Variants in PLEKHH2 observed in about 807,000 individuals in gnomAD.
The protein encoded by PLEKHH2 is pleckstrin homology domain-containing family H member 2.
Under a neutral mutation model 187.9 loss-of-function variants are expected in PLEKHH2, and 129 were observed. The ratio of observed to expected loss-of-function variants is 0.69; its 90% confidence interval spans 0.59 to 0.79. The LOEUF is 0.79. PLEKHH2 is among the 30% of genes least tolerant of loss of function. PLEKHH2 has a pLI of 0.00. For synonymous variants in PLEKHH2, 686 were observed against 605.6 expected (o/e 1.13, Z -1.95); for missense variants, 2,076 against 1,751.2 (o/e 1.19, Z -3.31).
At chr2:43,691,838 A>G (rs554180380) in intron 3 of PLEKHH2, among the ~76,000 whole-genome samples, 45 of 152,294 alleles carry the variant, frequency 3.0e-4, no homozygotes, top group Non-Finnish European at 5.1e-4. Flanking sequence ...TGTAATTTCT[A>G]TGCAGGCAGA....
At chr2:43,755,576 G>A (rs565800296) in intron 25 of PLEKHH2, among the ~76,000 whole-genome samples, 1 of 152,270 alleles carries the variant, frequency 6.6e-6, no homozygotes, top group African/African-American at 2.4e-5. Flanking sequence ...AGCTACTTAA[G>A]ACAGTAATTT....
At chr2:43,683,728 G>A (rs1668355821) in intron 3 of PLEKHH2, among the ~76,000 whole-genome samples, 1 of 151,500 alleles carries the variant, frequency 6.6e-6, no homozygotes, top group African/African-American at 2.4e-5. Flanking sequence ...ACTACTTCTT[G>A]GGTGATATTG....
At chr2:43,642,917 C>A (rs1160577476) in intron 1 of PLEKHH2, among the ~76,000 whole-genome samples, 1 of 152,104 alleles carries the variant, frequency 6.6e-6, no homozygotes, top group Non-Finnish European at 1.5e-5. Context: ...TCCTCTTATT[C>A]CTTAAGCTAG....
intron 15 of PLEKHH2, among the ~76,000 whole-genome samples, chr2:43,720,182 C>T (rs1670414518): frequency 6.6e-6 from 1 of 152,164 alleles, no homozygotes; most frequent in African/African-American, 2.4e-5. Context: ...AAACCTCAGT[C>T]CTAGGCATAG....
At position 43,712,345 on chromosome 2, in the gene PLEKHH2, C is replaced by T; in HGVS notation, c.2422C>T (p.Pro808Ser). 1 of 1,614,160 alleles carries T rather than the reference C, an allele frequency of 6.2e-7. No homozygotes were observed. The highest frequency in any genetic ancestry group is 8.5e-7 in the Non-Finnish European group (1 of 1,180,028). ...AGCTGCCAACCCACTTTCCCTGCAG[C>T]CTGAGGGCAAACCCACCATGAAGGG... ...VQAANPLSLQ[P>S]EGKPTMKGLL... The change falls in exon 15 of 30, where the codon CCT becomes TCT. Residue 808 changes from proline to serine, a missense_variant. Transcript: ENST00000282406.
intron 2 of PLEKHH2, among the ~76,000 whole-genome samples, chr2:43,659,781 A>T (rs1310474149): frequency 6.6e-6 from 1 of 150,808 alleles, no homozygotes; most frequent in African/African-American, 2.4e-5. Flanking sequence ...CTGGTCTCGA[A>T]CTCCTGACCT....
chr2:43,717,197 C>T (rs1670254945), intron 15 of PLEKHH2, among the ~76,000 whole-genome samples: 1 of 152,192 alleles, frequency 6.6e-6, no homozygotes. Context: ...GTGGGAGGAT[C>T]ACCTGAGGTC....
At chr2:43,689,658 G>A (rs567043662) in intron 3 of PLEKHH2, among the ~76,000 whole-genome samples, 1 of 152,194 alleles carries the variant, frequency 6.6e-6, no homozygotes, top group Non-Finnish European at 1.5e-5. Context: ...TAAGTAGGTT[G>A]CTTGTAACTA....
chr2:43,712,194 T>C, intron 14 of PLEKHH2, 31 bp from the exon 15 acceptor site: 1 of 1,598,692 alleles, frequency 6.3e-7, no homozygotes, highest in Non-Finnish European at 8.6e-7. Flanking sequence ...TTCACAGTTT[T>C]CTTTCCTATA....
chr2:43,691,915 G>A (rs1343655141), intron 3 of PLEKHH2, among the ~76,000 whole-genome samples: 3 of 152,096 alleles, frequency 2.0e-5, no homozygotes, highest in African/African-American at 4.8e-5. Context: ...CACTTGACAG[G>A]TTTTCAGTGA....
At position 43,706,331 on chromosome 2, in the gene PLEKHH2, C is replaced by G. The variant is rs781460603; in HGVS notation, c.1736C>G (p.Ala579Gly). 1.9e-6 allele frequency: 3 copies of G among 1,604,640 alleles called. No homozygotes were observed. Among genetic ancestry groups the G allele is most frequent in the Non-Finnish European group, 2.6e-6 (3 of 1,172,242 alleles). The change falls in exon 10 of 30, where the codon GCA (alanine) becomes GGA (glycine). Residue 579 changes from alanine (A) to glycine (G), a missense_variant. By Grantham distance (60) the Ala-to-Gly change is moderately conservative. Transcript: ENST00000282406. The part of the protein sequence containing the change: ...NMESVNKNSA[A>G]TLSYTTSGLY... ...TGTTTTTCTGTTTCAGATTCTGCTG[C>G]AACCCTTTCCTATACTACATCAGGA...
chr2:43,676,846 CAG>C (rs1184117742), intron 2 of PLEKHH2, among the ~76,000 whole-genome samples: 2 of 152,108 alleles, frequency 1.3e-5, no homozygotes, highest in African/African-American at 4.8e-5. Context: ...TAAAACTACC[CAG>C]AGTTTATTTA....
intron 14 of PLEKHH2, chr2:43,711,078 G>A: frequency 1.0e-6 from 1 of 986,480 alleles, no homozygotes; most frequent in African/African-American, 1.7e-5. Flanking sequence ...GGCAGCTGCT[G>A]CCCATTTTAC....
intron 24 of PLEKHH2, among the ~76,000 whole-genome samples, chr2:43,753,159 G>C (rs1455821795): frequency 6.6e-6 from 1 of 152,170 alleles, no homozygotes; most frequent in Admixed American, 6.5e-5. Context: ...TTGCAAGAGA[G>C]GGCATATTTA....
chr2:43,757,360 C>T, intron 26 of PLEKHH2, 96 bp downstream of exon 26: 1 of 992,240 alleles, frequency 1.0e-6, no homozygotes, highest in East Asian at 3.0e-5. Context: ...AACATTTGGA[C>T]AGCTTTCTCA....
chr2:43,716,270 G>A (rs1670204360), intron 15 of PLEKHH2, among the ~76,000 whole-genome samples: 1 of 152,204 alleles, frequency 6.6e-6, no homozygotes, highest in South Asian at 2.1e-4. Context: ...GCTGGACATA[G>A]TGGGAAGGCA....
chr2:43,715,190 C>T (rs897660180), intron 15 of PLEKHH2, among the ~76,000 whole-genome samples: 4 of 151,834 alleles, frequency 2.6e-5, no homozygotes, highest in Admixed American at 1.3e-4. Flanking sequence ...GCAGGAGAAT[C>T]GCCTGAACTT....
chr2:43,677,874 G>T (rs1262383323), intron 2 of PLEKHH2, among the ~76,000 whole-genome samples: 2 of 146,800 alleles, frequency 1.4e-5, no homozygotes, highest in Admixed American at 6.7e-5. Flanking sequence ...TGGCCGGGCG[G>T]GGGGCTGATC....
chr2:43,642,041 A>G (rs1665963361), intron 1 of PLEKHH2, among the ~76,000 whole-genome samples: 1 of 152,216 alleles, frequency 6.6e-6, no homozygotes, highest in Admixed American at 6.5e-5. Context: ...TAGAGATTGC[A>G]TTGTGTGTAT....
Sources: gnomAD v4.1 joint callset for allele counts (sites outside exome capture counted in the v4.1 genomes callset) on GRCh38, gnomAD v4.1.1 for gene constraint, MANE v1.5 for transcripts, NCBI Gene and HGNC (gene_info 2026-07-23, HGNC 2026-07-21) for gene names.